ARL15: variants seen among roughly 807,000 people sequenced by gnomAD.
The protein encoded by ARL15 is ARF like GTPase 15.
In ARL15, 19 loss-of-function variants were observed where a neutral mutation model predicts 25.2. The ratio of observed to expected loss-of-function variants is 0.75; its 90% CI spans 0.53 to 1.10. The LOEUF is 1.10. Ranked by LOEUF, ARL15 falls within the 50% of genes least tolerant of loss-of-function variation. The pLI is 0.00. For synonymous variants in ARL15, 94 were observed against 86.8 expected, an observed-to-expected ratio of 1.08 and a Z score of -0.46; for missense variants, 220 against 246.0, an observed-to-expected ratio of 0.89 and a Z score of 0.71.
At chr5:54,304,971 T>C (rs190807299) in intron 1 of ARL15, among the ~76,000 whole-genome samples, 187 of 152,318 alleles carry the variant, frequency 1.2e-3, no homozygotes, top group African/African-American at 4.3e-3. Context: ...CTGTGGGCTC[T>C]ACCCTTTGTA....
chr5:54,231,456 A>G (rs1051685372), intron 1 of ARL15, among the ~76,000 whole-genome samples: 3 of 152,238 alleles, frequency 2.0e-5, no homozygotes, highest in Admixed American at 1.3e-4. Flanking sequence ...CACCTTGAAT[A>G]ATCTTTCACT....
chr5:54,068,151 G>A (rs1264237524), intron 4 of ARL15, among the ~76,000 whole-genome samples: 1 of 152,192 alleles, frequency 6.6e-6, no homozygotes, highest in Non-Finnish European at 1.5e-5. Context: ...GATTTGAACT[G>A]AGGATGGCTC....
intron 3 of ARL15, among the ~76,000 whole-genome samples, chr5:54,141,122 C>T (rs1356983092): frequency 6.6e-6 from 1 of 151,994 alleles, no homozygotes; most frequent in Non-Finnish European, 1.5e-5. Flanking sequence ...AGAAATCTCT[C>T]ACTCTTTATA....
intron 4 of ARL15, among the ~76,000 whole-genome samples, chr5:54,037,245 G>T (rs389525): frequency 2.6e-5 from 4 of 151,560 alleles, no homozygotes; most frequent in African/African-American, 9.7e-5. Context: ...ATTTCTTAAA[G>T]ACTTAAAAAA....
intron 4 of ARL15, among the ~76,000 whole-genome samples, chr5:53,947,869 G>C (rs906419237): frequency 6.6e-6 from 1 of 152,086 alleles, no homozygotes; most frequent in Non-Finnish European, 1.5e-5. Flanking sequence ...ATGAAAGAAA[G>C]GGGGAGGGCT....
At chr5:54,158,112 A>G (rs917038147) in intron 2 of ARL15, among the ~76,000 whole-genome samples, 26 of 152,152 alleles carry the variant, frequency 1.7e-4, no homozygotes, top group African/African-American at 5.8e-4. Context: ...GAGAATTAAT[A>G]TAATATTTAG....
chr5:53,954,672 T>C (rs1176633661), intron 4 of ARL15, among the ~76,000 whole-genome samples: 2 of 152,130 alleles, frequency 1.3e-5, no homozygotes, highest in African/African-American at 2.4e-5. Flanking sequence ...GGCCTCTAGA[T>C]CAAATATTTT....
intron 1 of ARL15, among the ~76,000 whole-genome samples, chr5:54,191,413 TAA>T (rs1416569666): frequency 6.6e-6 from 1 of 152,156 alleles, no homozygotes; most frequent in Non-Finnish European, 1.5e-5. Context: ...TATAACATTA[TAA>T]ATGCATTTAA....
At chr5:54,076,781 T>TGTA (rs1751623243) in intron 4 of ARL15, among the ~76,000 whole-genome samples, 1 of 132,152 alleles carries the variant, frequency 7.6e-6, no homozygotes, top group African/African-American at 2.5e-5. Context: ...TAGAGTCCAA[T>TGTA]GTAGGAGTGC....
intron 4 of ARL15, among the ~76,000 whole-genome samples, chr5:53,966,301 G>T (rs372631013): frequency 6.4e-4 from 97 of 152,264 alleles, no homozygotes; most frequent in Middle Eastern, 3.4e-3. Context: ...GTTCCCAGAA[G>T]GTTGTACCCC....
At chr5:54,080,104 C>G (rs1751749427) in intron 4 of ARL15, among the ~76,000 whole-genome samples, 1 of 152,036 alleles carries the variant, frequency 6.6e-6, no homozygotes, top group Non-Finnish European at 1.5e-5. Context: ...GAACAAGGCC[C>G]TATATTAGGT....
chr5:54,022,571 A>T (rs992402426), intron 4 of ARL15, among the ~76,000 whole-genome samples: 27 of 152,166 alleles, frequency 1.8e-4, no homozygotes, highest in African/African-American at 6.5e-4. Context: ...CTTTATCCGT[A>T]TAACAAGACA....
intron 1 of ARL15, among the ~76,000 whole-genome samples, chr5:54,292,732 C>T (rs971877104): frequency 1.2e-4 from 19 of 152,066 alleles, no homozygotes; most frequent in Non-Finnish European, 2.1e-4. Flanking sequence ...TTCTACTATG[C>T]GCTAGGTATT....
chr5:53,991,563 G>C (rs564965141), intron 4 of ARL15, among the ~76,000 whole-genome samples: 5 of 127,928 alleles, frequency 3.9e-5, no homozygotes, highest in Non-Finnish European at 8.1e-5. Context: ...AAAAAAAAAG[G>C]GGGGGCGGGG....
chr5:54,219,434 C>T (rs961640056), intron 1 of ARL15, among the ~76,000 whole-genome samples: 1 of 152,130 alleles, frequency 6.6e-6, no homozygotes, highest in African/African-American at 2.4e-5. Flanking sequence ...GTGAGGTGTG[C>T]TATGGACAAC....
chr5:54,105,690 C>G (rs530633301), intron 4 of ARL15, among the ~76,000 whole-genome samples: 4 of 152,100 alleles, frequency 2.6e-5, no homozygotes, highest in Non-Finnish European at 5.9e-5. Flanking sequence ...TCAAGCAATT[C>G]TCCTGCCTCA....
chr5:54,282,317 T>C, intron 1 of ARL15: 2 of 985,428 alleles, frequency 2.0e-6, no homozygotes, highest in Non-Finnish European at 2.4e-6. Context: ...CTGGATGCAT[T>C]CAGACATTCT....
intron 4 of ARL15, among the ~76,000 whole-genome samples, chr5:53,897,692 T>C (rs1328109039): frequency 6.6e-6 from 1 of 152,232 alleles, no homozygotes. Context: ...TTATAGTATA[T>C]TAATATAATG....
At chr5:54,166,088 C>A (rs1380626899) in intron 2 of ARL15, among the ~76,000 whole-genome samples, 2 of 152,102 alleles carry the variant, frequency 1.3e-5, no homozygotes, top group Non-Finnish European at 2.9e-5. Context: ...TGGGACCCAG[C>A]CAGTTACACA....
Sources: gnomAD v4.1 joint callset for allele counts (sites outside exome capture counted in the v4.1 genomes callset) on GRCh38, gnomAD v4.1.1 for gene constraint, MANE v1.5 for transcripts, NCBI Gene and HGNC (gene_info 2026-07-23, HGNC 2026-07-21) for gene names.